The following SLC24A2 variants were observed in gnomAD, a reference collection of about 807,000 sequenced individuals.
SLC24A2 encodes the protein solute carrier family 24 member 2.
In SLC24A2, 36 loss-of-function variants were observed where a neutral mutation model predicts 62.0. The observed-to-expected ratio is 0.58, with a 90% CI of 0.44 to 0.77. The LOEUF (loss-of-function observed/expected upper bound fraction) is 0.77, where lower values mean the gene tolerates loss of function less well. SLC24A2 is among the 30% of genes least tolerant of loss of function. The probability of loss-of-function intolerance (pLI) is 0.00; values close to 1 mark genes in which losing one functional copy is unlikely to be tolerated. For synonymous variants in SLC24A2, 358 were observed against 294.0 expected (o/e 1.22, Z -2.23); for missense variants, 846 against 817.9 (o/e 1.03, Z -0.42).
chr9:19,712,012 C>T (rs1820728593), intron 2 of SLC24A2, among the ~76,000 whole-genome samples: 1 of 152,148 alleles, frequency 6.6e-6, no homozygotes, highest in Non-Finnish European at 1.5e-5. Context: ...TTTGGAGAGG[C>T]CTGGAGACAA....
rs562980196 is a variant in SLC24A2 at position 19,579,266 on chromosome 9, G to A, written c.1130-2244C>T. Among the ~76,000 whole-genome samples the A allele has an allele frequency of 4.6e-5, 7 of 152,326 alleles. No individual in the cohort carries two copies. The South Asian group carries it at 1.2e-3, about 27-fold the overall frequency. ...AGAAATGCAAGGATGGAGGAGGCAG[G>A]CAGGGTCTATGATTGCCTGAAGGTT... On this transcript the variant is annotated intron_variant, in intron 5 of 10. Transcript: ENST00000341998.
At chr9:19,588,161 G>GT (rs1332119959) in intron 5 of SLC24A2, among the ~76,000 whole-genome samples, 4 of 137,704 alleles carry the variant, frequency 2.9e-5, no homozygotes, top group African/African-American at 5.4e-5. Flanking sequence ...GTTCAATACA[G>GT]TTTTTTTTCT....
chr9:20,274,968 C>A, the SLC24A2 span, among the ~76,000 whole-genome samples: 1 of 151,712 alleles, frequency 6.6e-6, no homozygotes, highest in Non-Finnish European at 1.5e-5. Flanking sequence ...CTTTCTCCCT[C>A]AATCCCCACC....
the SLC24A2 span, among the ~76,000 whole-genome samples, chr9:20,161,981 A>G: frequency 6.6e-6 from 1 of 151,906 alleles, no homozygotes; most frequent in East Asian, 1.9e-4. Context: ...TGAAAGACAA[A>G]TAAAACTCTG....
the SLC24A2 span, among the ~76,000 whole-genome samples, chr9:20,150,471 G>C: frequency 6.6e-6 from 1 of 151,878 alleles, no homozygotes; most frequent in Non-Finnish European, 1.5e-5. Context: ...TAGGTTATAA[G>C]ACAGGTAGTC....
the SLC24A2 span, among the ~76,000 whole-genome samples, chr9:20,224,415 G>A: frequency 6.6e-6 from 1 of 151,954 alleles, no homozygotes. Context: ...ATAACCATAA[G>A]TTTGGCAAAA....
At chr9:19,944,441 TAAAA>T in the SLC24A2 span, among the ~76,000 whole-genome samples, 245 of 78,520 alleles carry the variant, frequency 3.1e-3, no homozygotes, top group African/African-American at 9.6e-3. Context: ...AAAGTAGTAG[TAAAA>T]AAAAAAAAAA....
the SLC24A2 span, among the ~76,000 whole-genome samples, chr9:19,863,319 C>G: frequency 2.6e-5 from 4 of 152,058 alleles, no homozygotes; most frequent in African/African-American, 9.7e-5. Flanking sequence ...CCACTTTCAG[C>G]ATTGACAGAT....
chr9:19,572,928 C>T (rs1338664866), intron 7 of SLC24A2, among the ~76,000 whole-genome samples: 1 of 152,080 alleles, frequency 6.6e-6, no homozygotes, highest in Non-Finnish European at 1.5e-5. Context: ...CTTAAAGACA[C>T]AGAGAAAGGA....
At chr9:19,946,172 G>C in the SLC24A2 span, among the ~76,000 whole-genome samples, 2 of 152,162 alleles carry the variant, frequency 1.3e-5, no homozygotes, top group East Asian at 1.9e-4. Context: ...CTATCACTAA[G>C]TCCATCCCCC....
chr9:20,001,181 T>G, the SLC24A2 span, among the ~76,000 whole-genome samples: 1 of 152,226 alleles, frequency 6.6e-6, no homozygotes, highest in Non-Finnish European at 1.5e-5. Context: ...TTGTCCCTGC[T>G]GCGCCACACA....
intron 2 of SLC24A2, among the ~76,000 whole-genome samples, chr9:19,778,747 G>A (rs1357482320): frequency 6.6e-6 from 1 of 152,138 alleles, no homozygotes; most frequent in Non-Finnish European, 1.5e-5. Context: ...CCTCAATGGA[G>A]TTCCACAGGT....
chr9:19,639,680 A>G (rs1329264559), intron 2 of SLC24A2, among the ~76,000 whole-genome samples: 1 of 152,234 alleles, frequency 6.6e-6, no homozygotes, highest in East Asian at 1.9e-4. Flanking sequence ...TCCATCTGTA[A>G]TGATGACAGC....
At chr9:20,210,853 G>T in the SLC24A2 span, among the ~76,000 whole-genome samples, 6 of 151,782 alleles carry the variant, frequency 4.0e-5, no homozygotes, top group African/African-American at 1.5e-4. Flanking sequence ...GGGCTTGTAA[G>T]CAAGGAGAGG....
At chr9:20,020,393 A>T in the SLC24A2 span, among the ~76,000 whole-genome samples, 1 of 152,182 alleles carries the variant, frequency 6.6e-6, no homozygotes, top group East Asian at 1.9e-4. Flanking sequence ...ATGCAGCCCT[A>T]AAAAAGGATG....
the SLC24A2 span, among the ~76,000 whole-genome samples, chr9:20,003,107 A>T: frequency 6.6e-6 from 1 of 152,230 alleles, no homozygotes; most frequent in Non-Finnish European, 1.5e-5. Context: ...TATGGTGGTG[A>T]GGGAAGGATT....
At chr9:19,829,571 A>G in the SLC24A2 span, among the ~76,000 whole-genome samples, 2 of 151,420 alleles carry the variant, frequency 1.3e-5, no homozygotes, top group African/African-American at 2.4e-5. Flanking sequence ...TTTCCCCTTA[A>G]AAAAAAACTA....
At chr9:19,737,636 GAA>G (rs1353756778) in intron 2 of SLC24A2, among the ~76,000 whole-genome samples, 4 of 151,828 alleles carry the variant, frequency 2.6e-5, no homozygotes, top group Non-Finnish European at 5.9e-5. Flanking sequence ...TAAAAAATAA[GAA>G]ACATCTAGAA....
chr9:19,573,522 A>G, intron 6 of SLC24A2, 53 bp from the exon 7 acceptor site: 1 of 393,272 alleles, frequency 2.5e-6, no homozygotes, highest in Non-Finnish European at 4.1e-6. Flanking sequence ...ACACACACAC[A>G]CACACACAGA....
Sources: allele counts gnomAD v4.1 joint callset (sites outside exome capture counted in the v4.1 genomes callset), GRCh38; gene constraint gnomAD v4.1.1; transcripts MANE v1.5; gene names NCBI Gene and HGNC (gene_info 2026-07-23, HGNC 2026-07-21).